The following EPHA6 variants were observed in gnomAD, a reference collection of about 807,000 sequenced individuals.
EPHA6 encodes EPH receptor A6.
A neutral mutation model predicts 112.0 loss-of-function variants in EPHA6; 50 were observed. The ratio of observed to expected loss-of-function variants is 0.45; its 90% CI spans 0.36 to 0.56. The LOEUF (loss-of-function observed/expected upper bound fraction) is 0.56. Ranked by LOEUF, EPHA6 falls within the 20% of genes least tolerant of loss-of-function variation. The pLI is 0.00. For synonymous variants in EPHA6, 529 were observed against 490.7 expected (o/e 1.08, Z -1.03); for missense variants, 1,280 against 1,417.4 (o/e 0.90, Z 1.56).
intron 2 of EPHA6, among the ~76,000 whole-genome samples, chr3:96,987,026 C>T (rs573414884): frequency 2.0e-5 from 3 of 152,252 alleles, no homozygotes; most frequent in African/African-American, 7.2e-5. Flanking sequence ...TAATTTACAC[C>T]TTACAACAAC....
At chr3:97,455,992 G>T (rs2090672083) in intron 7 of EPHA6, among the ~76,000 whole-genome samples, 1 of 151,920 alleles carries the variant, frequency 6.6e-6, no homozygotes, top group South Asian at 2.1e-4. Context: ...TTGCTAAATG[G>T]GCTGGAAAGA....
intron 14 of EPHA6, among the ~76,000 whole-genome samples, chr3:97,689,948 G>A (rs2107704474): frequency 6.6e-6 from 1 of 152,268 alleles, no homozygotes; most frequent in South Asian, 2.1e-4. Context: ...CTGTATTGTA[G>A]CATGTATCAA....
intron 14 of EPHA6, among the ~76,000 whole-genome samples, chr3:97,706,516 T>C (rs2033684532): frequency 6.6e-6 from 1 of 152,216 alleles, no homozygotes; most frequent in East Asian, 1.9e-4. Flanking sequence ...CTATTGCTGC[T>C]GTCTCCAACT....
At chr3:97,630,505 T>C (rs2093893893) in intron 13 of EPHA6, among the ~76,000 whole-genome samples, 1 of 152,048 alleles carries the variant, frequency 6.6e-6, no homozygotes, top group Non-Finnish European at 1.5e-5. Flanking sequence ...TAGAAACATA[T>C]AAAAACTGAA....
intron 3 of EPHA6, among the ~76,000 whole-genome samples, chr3:97,053,038 C>G (rs2045736817): frequency 6.6e-6 from 1 of 151,978 alleles, no homozygotes; most frequent in Admixed American, 6.6e-5. Flanking sequence ...TATTATCTGG[C>G]CCTTTACAGA....
At chr3:96,828,206 A>G (rs1287766048) in intron 1 of EPHA6, among the ~76,000 whole-genome samples, 1 of 152,118 alleles carries the variant, frequency 6.6e-6, no homozygotes. Context: ...TTGGGGTTCT[A>G]CTAAACTTTT....
intron 14 of EPHA6, among the ~76,000 whole-genome samples, chr3:97,686,337 C>T (rs755433088): frequency 6.6e-6 from 1 of 152,148 alleles, no homozygotes; most frequent in African/African-American, 2.4e-5. Flanking sequence ...TCTTCCCATA[C>T]TTCTTCCCAT....
intron 15 of EPHA6, among the ~76,000 whole-genome samples, chr3:97,724,956 A>G (rs549991923): frequency 6.6e-6 from 1 of 152,128 alleles, no homozygotes; most frequent in South Asian, 2.1e-4. Context: ...GTTATTGTTT[A>G]ATAAATATAT....
chr3:97,333,664 C>G (rs11928753), intron 5 of EPHA6, among the ~76,000 whole-genome samples: 30,078 of 151,448 alleles, frequency 0.2, 6,783 homozygotes, highest in African/African-American at 0.54. Flanking sequence ...TTCCTTTAGA[C>G]ATGGAAGACT....
At chr3:97,246,296 T>A (rs1044089790) in intron 5 of EPHA6, among the ~76,000 whole-genome samples, 1 of 151,954 alleles carries the variant, frequency 6.6e-6, no homozygotes, top group South Asian at 2.1e-4. Context: ...AATCAGTATG[T>A]CACTTTAAAT....
intron 2 of EPHA6, among the ~76,000 whole-genome samples, chr3:96,930,638 G>T (rs559526756): frequency 6.6e-6 from 1 of 152,072 alleles, no homozygotes; most frequent in Non-Finnish European, 1.5e-5. Context: ...GGAGGTGGCC[G>T]GAGACCCGAA....
intron 11 of EPHA6, among the ~76,000 whole-genome samples, chr3:97,539,028 T>TTTCTTTCTTTCA (rs2092805403): frequency 6.7e-6 from 1 of 150,018 alleles, no homozygotes; most frequent in Non-Finnish European, 1.5e-5. Context: ...TCTTTCTTTC[T>TTTCTTTCTTTCA]TTCTTTCTTG....
chr3:97,000,303 C>CCACA (rs1219556744), intron 3 of EPHA6, among the ~76,000 whole-genome samples: 2 of 143,032 alleles, frequency 1.4e-5, no homozygotes, highest in African/African-American at 2.7e-5. Context: ...ATATATATAG[C>CCACA]CATATATAGC....
intron 10 of EPHA6, among the ~76,000 whole-genome samples, chr3:97,523,935 T>C (rs2092581934): frequency 6.6e-6 from 1 of 152,066 alleles, no homozygotes; most frequent in Admixed American, 6.5e-5. Flanking sequence ...CTCTATTGGT[T>C]ACCATCTGCC....
Position 97,757,708 on chromosome 3 carries a change from A to T in EPHA6, c.*9007A>T, listed in dbSNP as rs1207378693. 2.0e-5 allele frequency among the ~76,000 whole-genome samples: 3 copies of T among 152,022 alleles called. No individual in the cohort carries two copies. The East Asian group carries it at 5.8e-4, about 29-fold the overall frequency. On this transcript the variant is annotated 3_prime_UTR_variant, in exon 18 of 18. Transcript: ENST00000389672. Reference sequence around the variant, plus strand: ...ATTTTACACATACTCTTAAATGCTTAAAAACATAGTACTTACATATTAATT... The same window carrying T: ...ATTTTACACATACTCTTAAATGCTTTAAAACATAGTACTTACATATTAATT...
intron 10 of EPHA6, among the ~76,000 whole-genome samples, chr3:97,491,291 T>C (rs2091831142): frequency 6.6e-6 from 1 of 152,214 alleles, no homozygotes; most frequent in African/African-American, 2.4e-5. Flanking sequence ...AAGGTGGTCC[T>C]AATTAGCCAG....
Position 97,750,350 on chromosome 3 carries a change from G to T in EPHA6, c.*1649G>T, listed in dbSNP as rs1371714449. 6.7e-6 allele frequency among the ~76,000 whole-genome samples: 1 copy of T among 148,970 alleles called. No homozygotes were observed. Among genetic ancestry groups the T allele is most frequent in the Non-Finnish European group, 1.5e-5 (1 of 67,226 alleles). ...GTTTTTGTTTTTTGTTTTTGTTTTT[G>T]TTGTTCGTTTGTTTGTTTTTGAGAC... On this transcript the variant is annotated 3_prime_UTR_variant, in exon 18 of 18. Coordinates refer to ENST00000389672, the MANE Select transcript of EPHA6 (RefSeq NM_001080448.3).
At chr3:97,315,960 T>G (rs1023238591) in intron 5 of EPHA6, among the ~76,000 whole-genome samples, 22 of 151,794 alleles carry the variant, frequency 1.4e-4, no homozygotes, top group African/African-American at 5.3e-4. Context: ...CTATCTTTCA[T>G]TAAAGTCAGG....
chr3:97,353,039 C>T (rs1240762014), intron 5 of EPHA6, among the ~76,000 whole-genome samples: 1 of 152,114 alleles, frequency 6.6e-6, no homozygotes, highest in African/African-American at 2.4e-5. Context: ...TTTAGACATA[C>T]TCTGCCAGAA....
Sources: gnomAD v4.1 joint callset for allele counts (sites outside exome capture counted in the v4.1 genomes callset) on GRCh38, gnomAD v4.1.1 for gene constraint, MANE v1.5 for transcripts, NCBI Gene and HGNC (gene_info 2026-07-23, HGNC 2026-07-21) for gene names.